The following NOSIP variants were observed in gnomAD, a reference collection of about 807,000 sequenced individuals.
The protein encoded by NOSIP is nitric oxide synthase interacting protein.
Under a neutral mutation model 36.4 loss-of-function variants are expected in NOSIP, and 25 were observed. That is an observed-to-expected ratio of 0.69 (90% CI 0.50 to 0.96). NOSIP has a LOEUF of 0.96. NOSIP is among the 40% of genes least tolerant of loss of function. The pLI, the probability that NOSIP is intolerant of heterozygous loss-of-function variation, is 0.00. For synonymous variants in NOSIP, 187 were observed against 179.2 expected (o/e 1.04, Z -0.35); for missense variants, 370 against 429.0 (o/e 0.86, Z 1.21).
At chr19:49,575,287 C>T (rs1354842849) in intron 1 of NOSIP, among the ~76,000 whole-genome samples, 1 of 152,234 alleles carries the variant, frequency 6.6e-6, no homozygotes, top group African/African-American at 2.4e-5. Flanking sequence ...GCATGAGCCA[C>T]CATGCGCAGC....
chr19:49,576,118 G>C (rs1280695952), intron 1 of NOSIP, among the ~76,000 whole-genome samples: 1 of 151,698 alleles, frequency 6.6e-6, no homozygotes, highest in East Asian at 1.9e-4. Flanking sequence ...CTGAGCGACA[G>C]AGCGAGACTC....
chr19:49,557,519 C>T, intron 4 of NOSIP: 1 of 1,291,334 alleles, frequency 7.7e-7, no homozygotes, highest in Admixed American at 3.4e-5. Context: ...TGTAAAACAG[C>T]CTAACAGTGG....
intron 3 of NOSIP, chr19:49,559,371 G>A (rs184331064): frequency 8.1e-5 from 16 of 197,404 alleles, no homozygotes; most frequent in East Asian, 8.0e-4. Flanking sequence ...AAACAAAAAC[G>A]CCAGGTGTGG....
chr19:49,570,972 TTTTAA>T (rs1198325663), intron 1 of NOSIP, among the ~76,000 whole-genome samples: 1 of 151,956 alleles, frequency 6.6e-6, no homozygotes, highest in Non-Finnish European at 1.5e-5. Context: ...TTTAAACTTT[TTTTAA>T]TTTAATTTGT....
intron 1 of NOSIP, among the ~76,000 whole-genome samples, chr19:49,563,706 G>T (rs911907550): frequency 4.0e-5 from 6 of 151,752 alleles, no homozygotes; most frequent in Admixed American, 1.3e-4. Flanking sequence ...TATTGGCTAG[G>T]CTGGCCTTGA....
chr19:49,559,784 G>A, intron 3 of NOSIP, 150 bp downstream of exon 3: 1 of 673,134 alleles, frequency 1.5e-6, no homozygotes, highest in Non-Finnish European at 2.7e-6. Flanking sequence ...TCATGCCCAT[G>A]TCCCATGTGA....
chr19:49,578,377 A>C (rs1267160051), intron 1 of NOSIP, among the ~76,000 whole-genome samples: 1 of 151,912 alleles, frequency 6.6e-6, no homozygotes, highest in African/African-American at 2.4e-5. Flanking sequence ...ACCTGCCTTC[A>C]CCTCCCAAAG....
At chr19:49,561,228 G>A (rs903487058) in intron 1 of NOSIP, among the ~76,000 whole-genome samples, 2 of 152,192 alleles carry the variant, frequency 1.3e-5, no homozygotes, top group African/African-American at 4.8e-5. Context: ...ACTGGATCTA[G>A]CAGCTGTGAT....
intron 4 of NOSIP, chr19:49,558,073 C>T (rs1429237920): frequency 3.4e-6 from 1 of 291,148 alleles, no homozygotes; most frequent in Non-Finnish European, 5.1e-6. Flanking sequence ...CATCAAATGG[C>T]TTTGTCCATG....
chr19:49,574,510 G>A (rs994697011), intron 1 of NOSIP, among the ~76,000 whole-genome samples: 3 of 152,108 alleles, frequency 2.0e-5, no homozygotes, highest in African/African-American at 4.8e-5. Flanking sequence ...TTTACAATGC[G>A]GTTTTCGATG....
Position 49,557,163 on chromosome 19 carries a change from C to T in NOSIP, c.345G>A (p.Leu115=). 6.2e-7 allele frequency: 1 copy of T among 1,611,792 alleles called. No individual in the cohort carries two copies. The highest frequency in any genetic ancestry group is 2.2e-5 in the East Asian group (1 of 44,786). The change falls in exon 5 of 9, where the codon CTG becomes CTA. Residue 115 remains leucine, a synonymous_variant. Coordinates refer to ENST00000596358, the MANE Select transcript of NOSIP (RefSeq NM_001270960.2). ...AASQDHVRGF[L]EKESAIVSRP... The stretch of plus-strand genomic sequence containing the variant: ...GGCTCACGATAGCCGACTCCTTCTC[C>T]AGGAAGCCCCGCACATGGTCCTGCG...
In NOSIP at chr19:49,556,094, G is replaced by A. The variant is rs181909789; in HGVS notation, c.834+223C>T. Among the ~76,000 whole-genome samples, 5 of 116,804 alleles carry A rather than the reference G, an allele frequency of 4.3e-5. No individual in the cohort carries two copies. The East Asian group carries it at 1.4e-3, about 32-fold the overall frequency. The allele number at this position is 116,804 out of a possible 152,430, so 76.6% of individuals were successfully genotyped here. On this transcript the variant is annotated intron_variant, in intron 8 of 8. Coordinates refer to ENST00000596358, the MANE Select transcript of NOSIP (RefSeq NM_001270960.2). ...GGAGGGCTGGAGGCAGGGAAGGGGCGGGGCCTTGAAAAGGAAGGAGGAGGC... is the reference window on the plus strand; with the variant it reads ...GGAGGGCTGGAGGCAGGGAAGGGGCAGGGCCTTGAAAAGGAAGGAGGAGGC...
In NOSIP at chr19:49,571,333, G is replaced by C. The variant is rs553194756; in HGVS notation, c.-2+9182C>G. ...AGTGATTTTTAAGATCCTGAGACCAGAAAGCGTGAGCGCCTCCAACCAAGG... is the reference window on the plus strand; with the variant it reads ...AGTGATTTTTAAGATCCTGAGACCACAAAGCGTGAGCGCCTCCAACCAAGG... On this transcript the variant is annotated intron_variant, in intron 1 of 8. Transcript: ENST00000596358. Among the ~76,000 whole-genome samples, 4 of 152,118 alleles carry C rather than the reference G, an allele frequency of 2.6e-5. No homozygotes were observed. The South Asian group carries it at 8.3e-4, about 32-fold the overall frequency.
intron 1 of NOSIP, among the ~76,000 whole-genome samples, chr19:49,563,876 T>C (rs1271499204): frequency 7.2e-5 from 11 of 152,178 alleles, no homozygotes; most frequent in Non-Finnish European, 1.6e-4. Context: ...CTTTTAAACA[T>C]TTCCCATTGT....
In NOSIP at chr19:49,555,798, C is replaced by A. The variant is rs769628946; in HGVS notation, c.859G>T (p.Gly287Ter). The change falls in exon 9 of 9, where the codon GGA becomes TGA. Residue 287 changes from glycine (G) to a stop codon, truncating the protein, a stop_gained. Coordinates refer to ENST00000596358, the MANE Select transcript of NOSIP (RefSeq NM_001270960.2). LOFTEE classifies it high-confidence loss of function. Reference protein sequence around the residue: ...QRGGTGFAGSGVKLQAEKSRP... With the variant: ...QRGGTGFAGS ...GATTTCTCCGCTTGCAGCTTCACTCCGGAGCCCGCGAAGCCGGTACCGCCC... is the reference window on the plus strand; with the variant it reads ...GATTTCTCCGCTTGCAGCTTCACTCAGGAGCCCGCGAAGCCGGTACCGCCC... 6.2e-7 allele frequency: 1 copy of A among 1,613,278 alleles called. No individual in the cohort carries two copies.
In NOSIP at chr19:49,556,605, A is replaced by G. The variant is rs2122772878; in HGVS notation, c.669T>C (p.Cys223=). ...GLITRSERYV[C]AVTRDSLSNA... ...TGCTCAGGCTGTCGCGGGTCACGGC[A>G]CACACGTAGCGCTCGCTGCGGGTGA... is the stretch of plus-strand genomic sequence containing the variant. Residue 223 remains cysteine (C), a synonymous_variant, in exon 7 of 9, where the codon TGT becomes TGC. Transcript: ENST00000596358. 2 of 1,607,336 alleles carry G rather than the reference A, an allele frequency of 1.2e-6. No homozygotes were observed.
In NOSIP at chr19:49,570,785, A is replaced by G. The variant is rs2080473944; in HGVS notation, c.-2+9730T>C. Among the ~76,000 whole-genome samples the G allele has an allele frequency of 2.0e-5, 3 of 151,804 alleles. No homozygotes were observed. In the South Asian group the frequency reaches 6.2e-4, roughly 32 times the overall value. On this transcript the variant is annotated intron_variant, in intron 1 of 8. Transcript: ENST00000596358. Reference sequence around the variant, plus strand: ...GTCACGGTGACCTTTTCATGGACACATTCCCCACTCTATTCTTAGTTGTCA... The same window carrying G: ...GTCACGGTGACCTTTTCATGGACACGTTCCCCACTCTATTCTTAGTTGTCA...
intron 8 of NOSIP, 38 bp downstream of exon 8, chr19:49,556,279 T>A: frequency 8.0e-7 from 1 of 1,244,760 alleles, no homozygotes. Context: ...GGGCGGGGCC[T>A]TGGAGTGCTG....
At chr19:49,568,012 C>T (rs1433484955) in intron 1 of NOSIP, among the ~76,000 whole-genome samples, 1 of 152,126 alleles carries the variant, frequency 6.6e-6, no homozygotes, top group Non-Finnish European at 1.5e-5. Flanking sequence ...GTCAGTTCTA[C>T]TATAAGGCAT....
Sources: allele counts gnomAD v4.1 joint callset (sites outside exome capture counted in the v4.1 genomes callset), GRCh38; gene constraint gnomAD v4.1.1; transcripts MANE v1.5; gene names NCBI Gene and HGNC (gene_info 2026-07-23, HGNC 2026-07-21).